The following FUT8 variants were observed in gnomAD, a reference collection of about 807,000 sequenced individuals.
The protein encoded by FUT8 is fucosyltransferase 8, also known as alpha-(1,6)-fucosyltransferase.
A neutral mutation model predicts 71.3 loss-of-function variants in FUT8; 29 were observed. That is an observed-to-expected ratio of 0.41 (90% confidence interval 0.30 to 0.55). The LOEUF is 0.55. FUT8 is among the 20% of genes least tolerant of loss of function. The pLI is 0.34. For synonymous variants in FUT8, 254 were observed against 239.3 expected (o/e 1.06, Z -0.57); for missense variants, 544 against 702.1 (o/e 0.77, Z 2.55).
intron 2 of FUT8, among the ~76,000 whole-genome samples, chr14:65,514,742 C>T (rs1053042225): frequency 6.6e-6 from 1 of 150,988 alleles, no homozygotes; most frequent in African/African-American, 2.4e-5. Context: ...TTTTAGGGTA[C>T]ATGTGCACAT....
chr14:65,570,900 A>G (rs1483579473), intron 3 of FUT8, among the ~76,000 whole-genome samples: 1 of 152,120 alleles, frequency 6.6e-6, no homozygotes, highest in Non-Finnish European at 1.5e-5. Context: ...CAATCCCAGC[A>G]GCCATATTTC....
upstream of FUT8, chr14:65,412,113 C>G: frequency 2.2e-6 from 1 of 456,132 alleles, no homozygotes; most frequent in Non-Finnish European, 4.4e-6. Context: ...GGCCGGGCAT[C>G]GAACTCAGGC....
At chr14:65,665,495 G>A (rs1892166503) in intron 6 of FUT8, among the ~76,000 whole-genome samples, 1 of 152,158 alleles carries the variant, frequency 6.6e-6, no homozygotes, top group Non-Finnish European at 1.5e-5. Flanking sequence ...TGGTGGGAGT[G>A]TAAATTAGTT....
chr14:65,609,309 A>T (rs1404067246), intron 3 of FUT8, among the ~76,000 whole-genome samples: 1 of 151,226 alleles, frequency 6.6e-6, no homozygotes, highest in African/African-American at 2.4e-5. Flanking sequence ...AAAAAAAAAA[A>T]ATTTTTCCTC....
At chr14:65,381,308 T>C in the FUT8 span, among the ~76,000 whole-genome samples, 7 of 152,236 alleles carry the variant, frequency 4.6e-5, no homozygotes, top group African/African-American at 1.7e-4. Flanking sequence ...TGTTTTCCTA[T>C]TCAGCTAGAA....
rs539941749 is a variant in FUT8, at chr14:65,665,791, A to G, written c.598-3452A>G. 7.9e-5 allele frequency among the ~76,000 whole-genome samples: 12 copies of G among 152,280 alleles called. 1 individual carries two copies. The South Asian group carries it at 2.5e-3, about 32-fold the overall frequency. On this transcript the variant is annotated intron_variant, in intron 6 of 10. Coordinates refer to ENST00000673929, the MANE Select transcript of FUT8 (RefSeq NM_001371533.1). The stretch of plus-strand genomic sequence containing the variant: ...GGTCATCTCCTTTGCAGGGACATGG[A>G]TGGAGCTGGAGGCCATTATCCTTAG...
upstream of FUT8, among the ~76,000 whole-genome samples, chr14:65,407,250 A>T (rs1272098509): frequency 2.0e-5 from 3 of 152,202 alleles, no homozygotes; most frequent in Non-Finnish European, 4.4e-5. Context: ...GTCAATTTTG[A>T]TGAAGAAATT....
intron 2 of FUT8, among the ~76,000 whole-genome samples, chr14:65,463,329 C>T (rs1208340096): frequency 1.3e-5 from 2 of 152,116 alleles, no homozygotes; most frequent in African/African-American, 4.8e-5. Flanking sequence ...TGCACTGGCG[C>T]AGTCACGGCT....
chr14:65,500,334 A>G (rs1455206745), intron 2 of FUT8, among the ~76,000 whole-genome samples: 1 of 152,128 alleles, frequency 6.6e-6, no homozygotes, highest in Non-Finnish European at 1.5e-5. Context: ...GGTTCTGGGC[A>G]TCATCGTCGT....
intron 8 of FUT8, 118 bp from the exon 9 acceptor site, chr14:65,724,029 T>G: frequency 1.5e-6 from 1 of 667,208 alleles, no homozygotes; most frequent in South Asian, 4.4e-5. Context: ...ATAGTGAAAA[T>G]GAAAGAAAAA....
chr14:65,488,477 T>G (rs2066440198), intron 2 of FUT8: 1 of 152,224 alleles, frequency 6.6e-6, no homozygotes, highest in Non-Finnish European at 1.5e-5. Context: ...AATGCACTAC[T>G]GGTTTCTAGC....
intron 2 of FUT8, among the ~76,000 whole-genome samples, chr14:65,509,075 T>TCAA (rs1882164701): frequency 6.6e-6 from 1 of 152,174 alleles, no homozygotes; most frequent in Admixed American, 6.5e-5. Context: ...TTTTTGTCTT[T>TCAA]AATCAATATT....
intron 7 of FUT8, among the ~76,000 whole-genome samples, chr14:65,684,303 T>C (rs1462873514): frequency 3.9e-5 from 6 of 152,200 alleles, no homozygotes; most frequent in Non-Finnish European, 7.3e-5. Flanking sequence ...TTATTGCATT[T>C]GCCATCTTTT....
intron 1 of FUT8, among the ~76,000 whole-genome samples, chr14:65,432,681 C>T (rs1044052371): frequency 4.6e-5 from 7 of 152,074 alleles, no homozygotes; most frequent in Non-Finnish European, 8.8e-5. Context: ...AAGGAGCCAG[C>T]CAAAACCCAC....
intron 6 of FUT8, among the ~76,000 whole-genome samples, chr14:65,662,598 A>T (rs1332730502): frequency 6.6e-6 from 1 of 152,228 alleles, no homozygotes; most frequent in East Asian, 1.9e-4. Context: ...GAACACACAC[A>T]TACAAAAAAC....
chr14:65,527,243 T>G (rs1316824413), intron 2 of FUT8, among the ~76,000 whole-genome samples: 1 of 152,242 alleles, frequency 6.6e-6, no homozygotes, highest in Non-Finnish European at 1.5e-5. Context: ...CCCATGTTTC[T>G]TGGAGGCTTT....
chr14:65,719,158 T>C (rs1379130478), intron 7 of FUT8, among the ~76,000 whole-genome samples: 1 of 152,186 alleles, frequency 6.6e-6, no homozygotes, highest in African/African-American at 2.4e-5. Flanking sequence ...TTTCATTCTT[T>C]TTTCTTTTGT....
intron 6 of FUT8, among the ~76,000 whole-genome samples, chr14:65,648,895 G>A (rs1236305171): frequency 6.6e-6 from 1 of 152,142 alleles, no homozygotes; most frequent in African/African-American, 2.4e-5. Flanking sequence ...GGATCTAACA[G>A]CCAGAAAGAT....
chr14:65,624,334 C>G (rs1483232692), intron 5 of FUT8, among the ~76,000 whole-genome samples: 1 of 142,914 alleles, frequency 7.0e-6, no homozygotes, highest in Non-Finnish European at 1.5e-5. Flanking sequence ...CTTGGTTATT[C>G]TGCTTTCTAG....
Sources: allele counts gnomAD v4.1 joint callset (sites outside exome capture counted in the v4.1 genomes callset), GRCh38; gene constraint gnomAD v4.1.1; transcripts MANE v1.5; gene names NCBI Gene and HGNC (gene_info 2026-07-23, HGNC 2026-07-21).